DOK6: variants seen among roughly 807,000 people sequenced by gnomAD.
DOK6 encodes the protein docking protein 6.
DOK6 carries 22 observed loss-of-function variants against 44.0 expected under a neutral mutation model. The observed-to-expected ratio is 0.50, with a 90% confidence interval of 0.36 to 0.71. DOK6 has a LOEUF of 0.71. DOK6 is among the 30% of genes least tolerant of loss of function. The probability of loss-of-function intolerance (pLI) is 0.00; values close to 1 mark genes in which losing one functional copy is unlikely to be tolerated. For missense variants in DOK6, 340 were observed against 416.4 expected, an observed-to-expected ratio of 0.82 and a Z score of 1.60; for synonymous variants, 166 against 145.5, an observed-to-expected ratio of 1.14 and a Z score of -1.01.
intron 7 of DOK6, chr18:69,781,243 GA>G (rs1404901555): frequency 2.0e-5 from 3 of 152,102 alleles, no homozygotes; most frequent in Non-Finnish European, 4.4e-5. Flanking sequence ...TTTGCCAAAG[GA>G]AGAGTGAAGA....
At position 69,677,747 on chromosome 18, in the gene DOK6, G is replaced by A; in HGVS notation, c.303G>A (p.Glu101=). The A allele has an allele frequency of 6.2e-7, 1 of 1,613,662 alleles. No homozygotes were observed. Among genetic ancestry groups the A allele is most frequent in the Non-Finnish European group, 8.5e-7 (1 of 1,179,692 alleles). The change falls in exon 4 of 8, where the codon GAG becomes GAA. Residue 101 remains glutamate (E), a synonymous_variant. Coordinates refer to ENST00000382713, the MANE Select transcript of DOK6 (RefSeq NM_152721.6). ...TFACESELEA[E]EWCKHLCMEC... is the part of the protein sequence containing the mutation. ...GGTTACTTTCAGAGCTGGAGGCCGA[G>A]GAGTGGTGCAAGCACCTCTGCATGG...
chr18:69,461,942 C>T (rs914659992), intron 1 of DOK6, among the ~76,000 whole-genome samples: 4 of 151,872 alleles, frequency 2.6e-5, no homozygotes, highest in South Asian at 2.1e-4. Context: ...TCCTTGTTGT[C>T]GCCTATAGGA....
chr18:69,744,309 CAA>C (rs3050449), intron 6 of DOK6, among the ~76,000 whole-genome samples: 35,495 of 143,410 alleles, frequency 0.25, 4,297 homozygotes, highest in African/African-American at 0.28. Context: ...GACTCCGTAT[CAA>C]AAAAAAAAAA....
chr18:69,556,959 C>G (rs186512192), intron 1 of DOK6, among the ~76,000 whole-genome samples: 3 of 152,338 alleles, frequency 2.0e-5, no homozygotes, highest in African/African-American at 7.2e-5. Flanking sequence ...ACTGAAATTA[C>G]TCATAGCATA....
At chr18:69,630,408 T>A (rs1984663283) in intron 3 of DOK6, among the ~76,000 whole-genome samples, 5 of 152,230 alleles carry the variant, frequency 3.3e-5, no homozygotes, top group Admixed American at 3.3e-4. Context: ...TTTTTTAACA[T>A]TTAGTAGCAT....
At chr18:69,701,346 T>C (rs1169307785) in intron 5 of DOK6, among the ~76,000 whole-genome samples, 4 of 152,224 alleles carry the variant, frequency 2.6e-5, no homozygotes, top group Non-Finnish European at 5.9e-5. Flanking sequence ...ATAAGGATCA[T>C]AACTTTGCAT....
At chr18:69,824,151 C>G (rs999821875) in intron 7 of DOK6, among the ~76,000 whole-genome samples, 2 of 150,564 alleles carry the variant, frequency 1.3e-5, no homozygotes, top group African/African-American at 4.9e-5. Flanking sequence ...CCCATTAACT[C>G]GTCATTTAAC....
At chr18:69,686,893 GC>G (rs1986165325) in intron 4 of DOK6, among the ~76,000 whole-genome samples, 2 of 151,886 alleles carry the variant, frequency 1.3e-5, no homozygotes. Context: ...AATCCAAAAA[GC>G]CCTATAATCA....
intron 6 of DOK6, among the ~76,000 whole-genome samples, chr18:69,755,636 C>T (rs1244587184): frequency 1.3e-5 from 2 of 152,176 alleles, no homozygotes; most frequent in Admixed American, 1.3e-4. Context: ...GCCTCTAGTT[C>T]TTTATGGTGG....
chr18:69,526,968 C>G (rs748583738), intron 1 of DOK6, among the ~76,000 whole-genome samples: 2 of 152,202 alleles, frequency 1.3e-5, no homozygotes, highest in African/African-American at 4.8e-5. Flanking sequence ...CGATCCCCTT[C>G]CCTTGCTTAT....
intron 7 of DOK6, among the ~76,000 whole-genome samples, chr18:69,798,800 GTTA>G (rs1568129358): frequency 6.6e-6 from 1 of 151,568 alleles, no homozygotes; most frequent in Non-Finnish European, 1.5e-5. Context: ...AAGTTTTTAT[GTTA>G]TAGAGACAAG....
At chr18:69,505,721 CT>C (rs1981167856) in intron 1 of DOK6, among the ~76,000 whole-genome samples, 1 of 151,758 alleles carries the variant, frequency 6.6e-6, no homozygotes, top group African/African-American at 2.4e-5. Context: ...TGGTCTTGAA[CT>C]CCTGACCTCA....
At chr18:69,702,437 C>T (rs949426537) in intron 5 of DOK6, among the ~76,000 whole-genome samples, 1 of 152,066 alleles carries the variant, frequency 6.6e-6, no homozygotes, top group Non-Finnish European at 1.5e-5. Context: ...CATGAAGTGC[C>T]AACATTGCAC....
chr18:69,712,000 G>A (rs575423146), intron 5 of DOK6, among the ~76,000 whole-genome samples: 7 of 151,990 alleles, frequency 4.6e-5, no homozygotes, highest in South Asian at 2.1e-4. Context: ...GAACCTTTTC[G>A]GCCGGGCGCG....
At chr18:69,599,281 G>T in intron 2 of DOK6, 103 bp from the exon 3 acceptor site, 1 of 824,742 alleles carries the variant, frequency 1.2e-6, no homozygotes, top group Non-Finnish European at 1.8e-6. Flanking sequence ...CAAATATCCC[G>T]TGGAAATTCA....
chr18:69,496,136 T>A (rs1343650309), intron 1 of DOK6, among the ~76,000 whole-genome samples: 1 of 152,190 alleles, frequency 6.6e-6, no homozygotes, highest in African/African-American at 2.4e-5. Context: ...CATCTGCAGC[T>A]GCCCCAGGAG....
Position 69,530,242 on chromosome 18 carries a change from A to G in DOK6, c.67-34245A>G, listed in dbSNP as rs1014736378. Among the ~76,000 whole-genome samples the G allele has an allele frequency of 2.6e-4, 40 of 152,148 alleles. 1 individual carries two copies. The stretch of plus-strand genomic sequence containing the variant: ...AATACCACACTATGTTGACTACTGG[A>G]CACCTTTTTTTTATTATTAACTAAA... On this transcript the variant is annotated intron_variant, in intron 1 of 7. Coordinates refer to ENST00000382713, the MANE Select transcript of DOK6 (RefSeq NM_152721.6).
At chr18:69,453,638 C>A (rs922476767) in intron 1 of DOK6, among the ~76,000 whole-genome samples, 1 of 80,706 alleles carries the variant, frequency 1.2e-5, no homozygotes. Context: ...GGAGGCATCA[C>A]ACTACCTGAC....
chr18:69,410,336 G>C (rs1366439275), intron 1 of DOK6, among the ~76,000 whole-genome samples: 1 of 152,234 alleles, frequency 6.6e-6, no homozygotes, highest in East Asian at 1.9e-4. Context: ...GTGTAGGTTT[G>C]CTTTAGAGTT....
Sources: gnomAD v4.1 joint callset for allele counts (sites outside exome capture counted in the v4.1 genomes callset) on GRCh38, gnomAD v4.1.1 for gene constraint, MANE v1.5 for transcripts, NCBI Gene and HGNC (gene_info 2026-07-23, HGNC 2026-07-21) for gene names.